The following IL1RL2 variants were observed in gnomAD, a reference collection of about 807,000 sequenced individuals.
IL1RL2 encodes the protein interleukin-1 receptor-like 2.
IL1RL2 carries 68 observed loss-of-function variants against 66.8 expected under a neutral mutation model. The ratio of observed to expected loss-of-function variants is 1.02; its 90% confidence interval spans 0.84 to 1.25. IL1RL2 has a LOEUF of 1.25. Among genes scored for constraint, IL1RL2 ranks in the 50% most tolerant of loss-of-function variants. The pLI is 0.00. For missense variants in IL1RL2, 729 were observed against 709.3 expected, an observed-to-expected ratio of 1.03 and a Z score of -0.32; for synonymous variants, 305 against 264.6, an observed-to-expected ratio of 1.15 and a Z score of -1.48.
At chr2:102,195,631 C>CTTTCTTTCCTTCTT (rs1559530311) in intron 4 of IL1RL2, among the ~76,000 whole-genome samples, 1 of 24,402 alleles carries the variant, frequency 4.1e-5, no homozygotes, top group African/African-American at 9.7e-5. Flanking sequence ...CTTTCTTTCT[C>CTTTCTTTCCTTCTT]TCTCTCTCTC....
chr2:102,232,682 C>T (rs899532019), intron 9 of IL1RL2, among the ~76,000 whole-genome samples: 4 of 152,128 alleles, frequency 2.6e-5, no homozygotes, highest in African/African-American at 4.8e-5. Context: ...ACTCAAAAGA[C>T]GTGGGGTAGG....
rs753325875 is a variant in IL1RL2, at chr2:102,218,830, C to T, written c.725-123C>T. ...AGTAGATTAACATTTGCCTAGGGGG[C>T]TATTTCTGGTAATCAAAAGGTATTC... On this transcript the variant is annotated intron_variant, in intron 6 of 11. Coordinates refer to ENST00000264257, the MANE Select transcript of IL1RL2 (RefSeq NM_003854.4). 5 of 804,574 alleles carry T rather than the reference C, an allele frequency of 6.2e-6. 1 individual carries two copies. Among genetic ancestry groups the T allele is most frequent in the Non-Finnish European group, 7.8e-6 (4 of 509,760 alleles). 49.8% of individuals were successfully genotyped at this position (804,574 alleles called of 1,614,324 possible).
chr2:102,202,982 T>A (rs532894345), intron 5 of IL1RL2, among the ~76,000 whole-genome samples: 89 of 152,272 alleles, frequency 5.8e-4, no homozygotes, highest in African/African-American at 2.0e-3. Context: ...AGGCTTTCGG[T>A]TTTTCCCCAT....
chr2:102,212,039 A>G, intron 5 of IL1RL2, 61 bp from the exon 6 acceptor site: 1 of 1,230,598 alleles, frequency 8.1e-7, no homozygotes, highest in Non-Finnish European at 1.2e-6. Context: ...ATTACATCAA[A>G]GTACTTGGGA....
At chr2:102,197,310 G>A (rs746073421) in intron 4 of IL1RL2, among the ~76,000 whole-genome samples, 61 of 152,124 alleles carry the variant, frequency 4.0e-4, no homozygotes, top group Admixed American at 2.0e-3. Flanking sequence ...GAAGGACGGA[G>A]GGCTGCAGAG....
At chr2:102,237,501 C>T (rs1170130674) in intron 11 of IL1RL2, among the ~76,000 whole-genome samples, 1 of 152,214 alleles carries the variant, frequency 6.6e-6, no homozygotes, top group Non-Finnish European at 1.5e-5. Context: ...AAGAGAACGG[C>T]AGCGAGTGAG....
chr2:102,226,448 C>T (rs1438184120), intron 9 of IL1RL2, among the ~76,000 whole-genome samples: 1 of 152,178 alleles, frequency 6.6e-6, no homozygotes, highest in Non-Finnish European at 1.5e-5. Flanking sequence ...GATGAGCTGC[C>T]TGCGGTTGGA....
chr2:102,234,738 G>T (rs1373933855), intron 10 of IL1RL2, among the ~76,000 whole-genome samples, 159 bp from the exon 11 acceptor site: 1 of 152,004 alleles, frequency 6.6e-6, no homozygotes. Context: ...AGTGAGCTGA[G>T]ATTGCATCCC....
At chr2:102,189,771 A>G (rs1687070220) in intron 3 of IL1RL2, among the ~76,000 whole-genome samples, 2 of 152,072 alleles carry the variant, frequency 1.3e-5, no homozygotes, top group African/African-American at 4.8e-5. Context: ...GCGCTTGGCT[A>G]TATCCGAAGT....
Position 102,201,620 on chromosome 2 carries a change from T to C in IL1RL2, c.554T>C (p.Val185Ala). ...VLETRLLVSNVSAEDRGNYAC... is the reference protein window; with the variant it reads ...VLETRLLVSNASAEDRGNYAC... Reference sequence around the variant, plus strand: ...GAAACCAGGCTTTTGGTGAGCAATGTCTCGGCAGAGGACAGAGGGAACTAC... The same window carrying C: ...GAAACCAGGCTTTTGGTGAGCAATGCCTCGGCAGAGGACAGAGGGAACTAC... Residue 185 changes from valine (V) to alanine (A), a missense_variant, in exon 5 of 12, where the codon GTC becomes GCC. Val to Ala is a moderately conservative substitution (Grantham distance 64). Coordinates refer to ENST00000264257, the MANE Select transcript of IL1RL2 (RefSeq NM_003854.4). The C allele has an allele frequency of 3.1e-6, 5 of 1,614,112 alleles. No individual in the cohort carries two copies. Among genetic ancestry groups the C allele is most frequent in the Non-Finnish European group, 4.2e-6 (5 of 1,179,994 alleles).
chr2:102,239,087 C>T (rs572452117), intron 11 of IL1RL2, 105 bp from the exon 12 acceptor site: 8 of 951,392 alleles, frequency 8.4e-6, no homozygotes, highest in Admixed American at 5.5e-5. Flanking sequence ...ACCAGATGAA[C>T]TGACGGCAAG....
chr2:102,189,336 T>A, intron 3 of IL1RL2, 26 bp downstream of exon 3: 1 of 1,390,984 alleles, frequency 7.2e-7, no homozygotes, highest in Non-Finnish European at 1.0e-6. Context: ...AAAATAGAAC[T>A]AACTCGTGTG....
intron 10 of IL1RL2, 123 bp downstream of exon 10, chr2:102,233,247 A>G (rs1691305679): frequency 3.1e-6 from 3 of 955,552 alleles, no homozygotes; most frequent in Non-Finnish European, 4.6e-6. Flanking sequence ...AGAGTCTATG[A>G]CCAGCGCCCC....
downstream of IL1RL2, chr2:102,240,038 CACAA>C (rs1675183713): frequency 6.6e-6 from 1 of 152,214 alleles, no homozygotes; most frequent in African/African-American, 2.4e-5. Context: ...CTGTCAAAAT[CACAA>C]ACATTTTCTT....
rs367878869 is a variant in IL1RL2 at position 102,239,313 on chromosome 2, T to A, written c.*72T>A. 17 of 1,406,910 alleles carry A rather than the reference T, an allele frequency of 1.2e-5. No homozygotes were observed. The East Asian group carries it at 3.9e-4, about 32-fold the overall frequency. 87.2% of individuals were successfully genotyped at this position (1,406,910 alleles called of 1,614,324 possible). A position where few individuals can be genotyped will look rare whatever the true frequency, so the allele number is the denominator to read the frequency against. ...CCATGTCTCCTCATTCCTACACCTA[T>A]TTTCTGCTGCAGGATGAGGCTAGGG... is the stretch of plus-strand genomic sequence containing the variant. On this transcript the variant is annotated 3_prime_UTR_variant, in exon 12 of 12. Coordinates refer to ENST00000264257, the MANE Select transcript of IL1RL2 (RefSeq NM_003854.4).
At chr2:102,222,203 G>T (rs1374350087) in intron 8 of IL1RL2, among the ~76,000 whole-genome samples, 1 of 152,180 alleles carries the variant, frequency 6.6e-6, no homozygotes, top group African/African-American at 2.4e-5. Flanking sequence ...GATATAGCAT[G>T]TAGCTTAGTT....
chr2:102,226,950 A>T (rs1299527781), intron 9 of IL1RL2, among the ~76,000 whole-genome samples: 1 of 152,214 alleles, frequency 6.6e-6, no homozygotes, highest in Non-Finnish European at 1.5e-5. Context: ...AATCCCCAAC[A>T]CCACAGCTGT....
chr2:102,191,242 C>T (rs1418654060), intron 3 of IL1RL2, among the ~76,000 whole-genome samples: 1 of 152,040 alleles, frequency 6.6e-6, no homozygotes, highest in Non-Finnish European at 1.5e-5. Flanking sequence ...TGTATATTTC[C>T]TATCAACAGT....
At chr2:102,201,826 C>G in intron 5 of IL1RL2, 111 bp downstream of exon 5, 1 of 1,019,332 alleles carries the variant, frequency 9.8e-7, no homozygotes, top group Non-Finnish European at 1.4e-6. Context: ...GTCTTGGTTT[C>G]CCTGAAGGCT....
Sources: gnomAD v4.1 joint callset for allele counts (sites outside exome capture counted in the v4.1 genomes callset) on GRCh38, gnomAD v4.1.1 for gene constraint, MANE v1.5 for transcripts, NCBI Gene and HGNC (gene_info 2026-07-23, HGNC 2026-07-21) for gene names.